CHRNA7: variants seen among roughly 807,000 people sequenced by gnomAD.
The protein encoded by CHRNA7 is cholinergic receptor nicotinic alpha 7 subunit, also known as neuronal acetylcholine receptor subunit alpha-7.
In CHRNA7, 17 loss-of-function variants were observed where a neutral mutation model predicts 48.0. The ratio of observed to expected loss-of-function variants is 0.35; its 90% confidence interval spans 0.24 to 0.53. The LOEUF (loss-of-function observed/expected upper bound fraction) is 0.53, where lower values mean the gene tolerates loss of function less well. Ranked by LOEUF, CHRNA7 falls within the 20% of genes least tolerant of loss-of-function variation. The pLI is 0.92. For missense variants in CHRNA7, 155 were observed against 577.7 expected (o/e 0.27, Z 7.50); for synonymous variants, 75 against 242.3 (o/e 0.31, Z 6.41).
At chr15:32,044,949 A>G (rs999416184) in intron 2 of CHRNA7, among the ~76,000 whole-genome samples, 1 of 152,192 alleles carries the variant, frequency 6.6e-6, no homozygotes, top group Non-Finnish European at 1.5e-5. Flanking sequence ...TCCATGCTTC[A>G]TCCGGTCCGT....
intron 2 of CHRNA7, among the ~76,000 whole-genome samples, chr15:32,057,927 C>G (rs955392830): frequency 3.9e-5 from 6 of 152,134 alleles, no homozygotes; most frequent in African/African-American, 1.4e-4. Context: ...TTCAGACAGC[C>G]TGTAATGTTT....
chr15:32,126,468 G>A (rs2051068154), intron 4 of CHRNA7, among the ~76,000 whole-genome samples: 1 of 152,182 alleles, frequency 6.6e-6, no homozygotes, highest in South Asian at 2.1e-4. Context: ...GCAAGGCAAA[G>A]AAAGAAGCCT....
At chr15:32,165,816 T>TTATC (rs1233260623) in intron 9 of CHRNA7, 1 of 151,382 alleles carries the variant, frequency 6.6e-6, no homozygotes, top group Non-Finnish European at 1.5e-5. Flanking sequence ...GAGGATAATT[T>TTATC]TATCTTTTAA....
chr15:32,142,457 C>G (rs2051400308), intron 4 of CHRNA7, among the ~76,000 whole-genome samples: 1 of 152,168 alleles, frequency 6.6e-6, no homozygotes, highest in Admixed American at 6.5e-5. Flanking sequence ...GGAGGATTCC[C>G]TCTTTTTCTA....
rs1236376312 is a variant in CHRNA7, at chr15:32,170,555, A to G, written c.*2097A>G. 6.7e-6 allele frequency: 1 copy of G among 149,026 alleles called. No homozygotes were observed. The highest frequency in any genetic ancestry group is 6.7e-5 in the Admixed American group (1 of 14,986). 9.2% of individuals were successfully genotyped at this position (149,026 alleles called of 1,614,324 possible). A position where few individuals can be genotyped will look rare whatever the true frequency, so the allele number is the denominator to read the frequency against. On this transcript the variant is annotated 3_prime_UTR_variant, in exon 10 of 10. Coordinates refer to ENST00000306901, the MANE Select transcript of CHRNA7 (RefSeq NM_000746.6). ...TCCCACATTTTTGCTTTAAAAAGAA[A>G]CCTTTTTGGTTTTGTATTTTATACA...
intron 4 of CHRNA7, among the ~76,000 whole-genome samples, chr15:32,148,557 A>C (rs986863018): frequency 6.6e-6 from 1 of 152,192 alleles, no homozygotes. Flanking sequence ...TGAGGATCCT[A>C]GGGGATGTGG....
chr15:32,137,372 A>G (rs1174007911), intron 4 of CHRNA7, among the ~76,000 whole-genome samples: 2 of 149,950 alleles, frequency 1.3e-5, no homozygotes, highest in Non-Finnish European at 3.0e-5. Flanking sequence ...AAAAACAAGT[A>G]TAATTAAGGT....
At chr15:32,063,943 TGATG>T (rs1285214720) in intron 2 of CHRNA7, among the ~76,000 whole-genome samples, 2 of 152,218 alleles carry the variant, frequency 1.3e-5, no homozygotes, top group Non-Finnish European at 2.9e-5. Flanking sequence ...TCTTCTCAGT[TGATG>T]GATGGTGTCC....
At chr15:32,140,839 A>G (rs1225364555) in intron 4 of CHRNA7, among the ~76,000 whole-genome samples, 1 of 152,188 alleles carries the variant, frequency 6.6e-6, no homozygotes, top group Non-Finnish European at 1.5e-5. Context: ...TCAGATGGGT[A>G]GATTGCAAAA....
intron 2 of CHRNA7, among the ~76,000 whole-genome samples, chr15:32,085,523 T>A (rs2050282162): frequency 6.6e-6 from 1 of 152,264 alleles, no homozygotes; most frequent in African/African-American, 2.4e-5. Flanking sequence ...TTTGATGACA[T>A]GTGAAACTAG....
intron 2 of CHRNA7, among the ~76,000 whole-genome samples, chr15:32,035,007 C>A (rs760353115): frequency 7.9e-5 from 12 of 152,126 alleles, no homozygotes; most frequent in Non-Finnish European, 1.6e-4. Context: ...GAGAAGGGGG[C>A]AGATTTAAGA....
chr15:32,101,469 C>A (rs2141261199), intron 3 of CHRNA7, 122 bp downstream of exon 3: 1 of 1,057,442 alleles, frequency 9.5e-7, no homozygotes, highest in Non-Finnish European at 1.4e-6. Flanking sequence ...ACCAAAAAAA[C>A]AAAAGGCCAT....
chr15:32,154,849 A>C (rs1382500212), intron 5 of CHRNA7, among the ~76,000 whole-genome samples: 2 of 86,010 alleles, frequency 2.3e-5, no homozygotes, highest in South Asian at 4.4e-4. Context: ...ACCACACACC[A>C]CTCACCCCTC....
intron 2 of CHRNA7, chr15:32,098,598 G>T (rs1208230664): frequency 6.6e-6 from 1 of 152,454 alleles, no homozygotes; most frequent in African/African-American, 2.4e-5. Context: ...GCTGGTGGTG[G>T]GAACCGAGGG....
intron 4 of CHRNA7, among the ~76,000 whole-genome samples, chr15:32,143,170 C>T (rs895435621): frequency 2.6e-5 from 4 of 152,248 alleles, no homozygotes; most frequent in Non-Finnish European, 4.4e-5. Context: ...GCCTTCATTT[C>T]GTTATTTACC....
intron 4 of CHRNA7, among the ~76,000 whole-genome samples, chr15:32,119,132 C>T (rs900530335): frequency 6.6e-6 from 1 of 152,140 alleles, no homozygotes; most frequent in African/African-American, 2.4e-5. Flanking sequence ...TAGTTTTCAA[C>T]TCTAACTTCT....
chr15:32,076,093 A>T (rs1049355985), intron 2 of CHRNA7, among the ~76,000 whole-genome samples: 1 of 152,108 alleles, frequency 6.6e-6, no homozygotes, highest in African/African-American at 2.4e-5. Flanking sequence ...AGAGTATGGC[A>T]CATTTTGGTA....
chr15:32,049,291 G>A lies in CHRNA7; in HGVS notation c.195+18254G>A, dbSNP rs867681893. Among the ~76,000 whole-genome samples the A allele has an allele frequency of 4.4e-3, 663 of 152,050 alleles. 2 individuals are homozygous for A. The highest frequency in any genetic ancestry group is 0.015 in the African/African-American group (624 of 41,436). ...ATTGTGTGGCAGTCTAAGTCTCTTT[G>A]TAGGTCACTCAGGACTTGCTTTATG... On this transcript the variant is annotated intron_variant, in intron 2 of 9. Coordinates refer to ENST00000306901, the MANE Select transcript of CHRNA7 (RefSeq NM_000746.6).
chr15:32,157,260 AG>A (rs2051758583), intron 5 of CHRNA7: 1 of 180,196 alleles, frequency 5.5e-6, no homozygotes, highest in African/African-American at 3.6e-5. Flanking sequence ...CTTCATCATC[AG>A]GGTTATCAAC....
Sources: allele counts gnomAD v4.1 joint callset (sites outside exome capture counted in the v4.1 genomes callset), GRCh38; gene constraint gnomAD v4.1.1; transcripts MANE v1.5; gene names NCBI Gene and HGNC (gene_info 2026-07-23, HGNC 2026-07-21).